Variants in ZNF672 observed in about 807,000 individuals in gnomAD.
The protein encoded by ZNF672 is zinc finger protein 672.
For synonymous variants in ZNF672, 358 were observed against 305.6 expected (o/e 1.17, Z -1.79); for missense variants, 733 against 701.1 (o/e 1.05, Z -0.51).
rs375718499 is a variant in ZNF672 at position 248,847,670 on chromosome 1, G to A, written c.396G>A (p.Leu132=). The change falls in exon 4 of 4, where the codon CTG becomes CTA. Residue 132 remains leucine, a synonymous_variant. Transcript: ENST00000306562. ...CAGAGCGGCCCCGCCGCTGCCCGCT[G>A]TGCGCCCGCACCTTCCGGCAGAGCG... ...HLPERPRRCP[L]CARTFRQSAL... The A allele has an allele frequency of 6.7e-7, 1 of 1,489,392 alleles. No homozygotes were observed. The highest frequency in any genetic ancestry group is 1.4e-5 in the African/African-American group (1 of 70,320). 92.3% of individuals were successfully genotyped at this position (1,489,392 alleles called of 1,614,324 possible).
Position 248,847,046 on chromosome 1 carries a change from C to G in ZNF672, c.-223-6C>G, listed in dbSNP as rs1572198444. The G allele has an allele frequency of 1.0e-5, 6 of 572,964 alleles. No homozygotes were observed. Among genetic ancestry groups the G allele is most frequent in the Non-Finnish European group, 1.8e-5 (6 of 325,396 alleles). 35.5% of individuals were successfully genotyped at this position (572,964 alleles called of 1,614,324 possible). On this transcript the variant is annotated splice_polypyrimidine_tract_variant and splice_region_variant and intron_variant, in intron 3 of 3. Coordinates refer to ENST00000306562, the MANE Select transcript of ZNF672 (RefSeq NM_024836.3). ...GCAGAGGCTCACAATGACCTTCTCC[C>G]CACAGGCTCACGGTGCAGGGTGAAC...
chr1:248,848,051 C>T lies in ZNF672; in HGVS notation c.777C>T (p.Asp259=). 1 of 1,549,302 alleles carries T rather than the reference C, an allele frequency of 6.5e-7. No individual in the cohort carries two copies. The highest frequency in any genetic ancestry group is 8.7e-7 in the Non-Finnish European group (1 of 1,146,978). ...HTGEKPYACG[D]CGRCFSESST... The stretch of plus-strand genomic sequence containing the variant: ...GCGAGAAGCCGTACGCATGTGGCGA[C>T]TGTGGACGCTGCTTCAGCGAGAGTT... Residue 259 remains aspartate (D), a synonymous_variant, in exon 4 of 4, where the codon GAC becomes GAT. Coordinates refer to ENST00000306562, the MANE Select transcript of ZNF672 (RefSeq NM_024836.3).
intron 1 of ZNF672, chr1:248,839,478 A>T (rs1664633797): frequency 6.6e-6 from 1 of 152,170 alleles, no homozygotes; most frequent in Admixed American, 6.5e-5. Flanking sequence ...CTACAAAAAA[A>T]ATAATGATAA....
In ZNF672 at chr1:248,848,437, C is replaced by T; in HGVS notation, c.1163C>T (p.Thr388Met). The change falls in exon 4 of 4, where the codon ACG (threonine) becomes ATG (methionine). Residue 388 changes from threonine (T) to methionine (M), a missense_variant. Physicochemically the swap from Thr to Met is moderately conservative, Grantham distance 81 (BLOSUM62 -1). Transcript: ENST00000306562. ...VASKLALHRK[T>M]HLGERPAECA... Reference sequence around the variant, plus strand: ...TCCAAGCTTGCACTGCACCGCAAGACGCACCTGGGCGAACGGCCAGCGGAG... The same window carrying T: ...TCCAAGCTTGCACTGCACCGCAAGATGCACCTGGGCGAACGGCCAGCGGAG... The T allele has an allele frequency of 1.2e-6, 2 of 1,607,330 alleles. No homozygotes were observed. The highest frequency in any genetic ancestry group is 1.3e-5 in the African/African-American group (1 of 75,030).
chr1:248,843,969 T>A (rs1424120743), intron 1 of ZNF672, among the ~76,000 whole-genome samples: 1 of 152,206 alleles, frequency 6.6e-6, no homozygotes, highest in Non-Finnish European at 1.5e-5. Context: ...GACTTCAAGA[T>A]GACCGCTTGT....
At position 248,849,193 on chromosome 1, in the gene ZNF672, T is replaced by C. The variant is rs748572661; in HGVS notation, c.*560T>C. ...TGGGAAAGCTCACTTCCATGAAGGA[T>C]GTCTCCATGCTAGGAGCTGCCTGCA... On this transcript the variant is annotated 3_prime_UTR_variant, in exon 4 of 4. Transcript: ENST00000306562. 1.9e-5 allele frequency: 8 copies of C among 429,664 alleles called. No individual in the cohort carries two copies. The highest frequency in any genetic ancestry group is 1.3e-4 in the South Asian group (7 of 55,676). 26.6% of individuals were successfully genotyped at this position (429,664 alleles called of 1,614,324 possible). A position where few individuals can be genotyped will look rare whatever the true frequency, so the allele number is the denominator to read the frequency against.
Position 248,848,698 on chromosome 1 carries a change from G to T in ZNF672, c.*65G>T, listed in dbSNP as rs1572201266. The T allele has an allele frequency of 1.1e-5, 17 of 1,501,976 alleles. No individual in the cohort carries two copies. In the South Asian group the frequency reaches 1.6e-4, roughly 15 times the overall value. The allele number at this position is 1,501,976 out of a possible 1,614,324, so 93.0% of individuals were successfully genotyped here. A position where few individuals can be genotyped will look rare whatever the true frequency, so the allele number is the denominator to read the frequency against. The stretch of plus-strand genomic sequence containing the variant: ...GCAAGCACCTATATAGTATCACGGG[G>T]ACAGTTGAGGCAACTCGTAGATGGA... On this transcript the variant is annotated 3_prime_UTR_variant, in exon 4 of 4. Coordinates refer to ENST00000306562, the MANE Select transcript of ZNF672 (RefSeq NM_024836.3).
intron 2 of ZNF672, among the ~76,000 whole-genome samples, chr1:248,845,180 C>G (rs567355095): frequency 6.6e-6 from 1 of 152,292 alleles, no homozygotes; most frequent in African/African-American, 2.4e-5. Context: ...GGAGAATCCT[C>G]GAATCCGAGA....
Position 248,847,945 on chromosome 1 carries a change from A to G in ZNF672, c.671A>G (p.Glu224Gly). ...LTRHLQTHSG[E>G]KPFKCPECGK... ...CGACACCTGCAGACGCACTCGGGGG[A>G]GAAACCCTTCAAGTGCCCGGAGTGC... Residue 224 changes from glutamate (E) to glycine (G), a missense_variant, in exon 4 of 4, where the codon GAG becomes GGG. Coordinates refer to ENST00000306562, the MANE Select transcript of ZNF672 (RefSeq NM_024836.3). 1 of 1,573,194 alleles carries G rather than the reference A, an allele frequency of 6.4e-7. No homozygotes were observed.
chr1:248,849,062 G>A lies in ZNF672; in HGVS notation c.*429G>A, dbSNP rs753876628. On this transcript the variant is annotated 3_prime_UTR_variant, in exon 4 of 4. Transcript: ENST00000306562. ...TTACTTTTGTTGTCCTGCCTCTTCA[G>A]GTAATGGTCACAGATTTGGCTGTAG... is the stretch of plus-strand genomic sequence containing the variant. 1.7e-5 allele frequency: 8 copies of A among 483,216 alleles called. No homozygotes were observed. Among genetic ancestry groups the A allele is most frequent in the Admixed American group, 9.3e-5 (4 of 42,850 alleles). 29.9% of individuals were successfully genotyped at this position (483,216 alleles called of 1,614,324 possible). A position where few individuals can be genotyped will look rare whatever the true frequency, so the allele number is the denominator to read the frequency against.
chr1:248,848,538 A>G lies in ZNF672; in HGVS notation c.1264A>G (p.Thr422Ala). Reference sequence around the variant, plus strand: ...TCAGCGGGCCCACACGCGCGCCCGCACCGCTGCCGCCGTTGCCATCCAGTC... The same window carrying G: ...TCAGCGGGCCCACACGCGCGCCCGCGCCGCTGCCGCCGTTGCCATCCAGTC... ...QHQRAHTRAR[T>A]AAAVAIQSAV... Residue 422 changes from threonine to alanine, a missense_variant, in exon 4 of 4, where the codon ACC becomes GCC. Coordinates refer to ENST00000306562, the MANE Select transcript of ZNF672 (RefSeq NM_024836.3). 6.3e-7 allele frequency: 1 copy of G among 1,597,918 alleles called. No homozygotes were observed. The highest frequency in any genetic ancestry group is 8.5e-7 in the Non-Finnish European group (1 of 1,171,504).
Position 248,848,323 on chromosome 1 carries a change from G to A in ZNF672, c.1049G>A (p.Cys350Tyr). Residue 350 changes from cysteine to tyrosine, a missense_variant, in exon 4 of 4, where the codon TGC (cysteine) becomes TAC (tyrosine). Coordinates refer to ENST00000306562, the MANE Select transcript of ZNF672 (RefSeq NM_024836.3). ...RCELCGKRFT[C>Y]VSNLNVHRRN... ...GAACTGTGCGGCAAGCGGTTCACGT[G>A]CGTGTCCAATCTCAACGTGCATCGG... 1 of 1,601,956 alleles carries A rather than the reference G, an allele frequency of 6.2e-7. No homozygotes were observed. The highest frequency in any genetic ancestry group is 8.5e-7 in the Non-Finnish European group (1 of 1,179,738).
intron 3 of ZNF672, among the ~76,000 whole-genome samples, chr1:248,846,578 C>T (rs978272988): frequency 3.9e-5 from 6 of 152,232 alleles, no homozygotes; most frequent in African/African-American, 9.6e-5. Flanking sequence ...TCACATTACC[C>T]GCTTTGTTCT....
Position 248,847,816 on chromosome 1 carries a change from A to G in ZNF672, c.542A>G (p.His181Arg). Reference protein sequence around the residue: ...AFRSGAGLRSHARIHVSRSPT... With the variant: ...AFRSGAGLRSRARIHVSRSPT... The stretch of plus-strand genomic sequence containing the variant: ...CGAAGCGGCGCCGGGCTGCGGAGTC[A>G]CGCGCGCATCCACGTGTCCCGGAGC... Residue 181 changes from histidine (H) to arginine (R), a missense_variant, in exon 4 of 4, where the codon CAC (histidine) becomes CGC (arginine). Physicochemically the swap from His to Arg is conservative, Grantham distance 29 (BLOSUM62 0). Transcript: ENST00000306562. The G allele has an allele frequency of 3.9e-6, 6 of 1,556,426 alleles. No individual in the cohort carries two copies. The South Asian group carries it at 5.8e-5, about 15-fold the overall frequency.
chr1:248,848,126 G>T lies in ZNF672; in HGVS notation c.852G>T (p.Ala284=), dbSNP rs749133284. ...GCCATCAGGGCGAGCGGCCACATGC[G>T]TGCGCCACTTGCGGCAAGGGTTTCG... ...RRSHQGERPH[A]CATCGKGFGQ... The change falls in exon 4 of 4, where the codon GCG becomes GCT. Residue 284 remains alanine, a synonymous_variant. Transcript: ENST00000306562. The T allele has an allele frequency of 6.4e-7, 1 of 1,563,508 alleles. No individual in the cohort carries two copies. The highest frequency in any genetic ancestry group is 8.6e-7 in the Non-Finnish European group (1 of 1,158,668).
At chr1:248,846,332 T>C (rs1185293088) in intron 3 of ZNF672, among the ~76,000 whole-genome samples, 1 of 152,234 alleles carries the variant, frequency 6.6e-6, no homozygotes, top group African/African-American at 2.4e-5. Flanking sequence ...ATAATGTTTT[T>C]TGTGAATTAT....
intron 1 of ZNF672, chr1:248,842,863 C>T: frequency 6.6e-6 from 1 of 152,462 alleles, no homozygotes; most frequent in Non-Finnish European, 1.5e-5. Context: ...CCAGTTCCTG[C>T]CCCTCTTCTC....
intron 3 of ZNF672, 71 bp downstream of exon 3, chr1:248,845,733 A>G (rs1237473661): frequency 6.6e-6 from 1 of 152,196 alleles, no homozygotes; most frequent in Non-Finnish European, 1.5e-5. Flanking sequence ...TATTTTAACC[A>G]AAGTTCTGAG....
rs1161303847 is a variant in ZNF672 at position 248,848,340 on chromosome 1, G to A, written c.1066G>A (p.Val356Met). The A allele has an allele frequency of 1.2e-6, 2 of 1,601,516 alleles. No homozygotes were observed. The highest frequency in any genetic ancestry group is 2.2e-5 in the East Asian group (1 of 44,854). ...GTTCACGTGCGTGTCCAATCTCAAC[G>A]TGCATCGGCGCAACCATGCCGGCCA... ...KRFTCVSNLN[V>M]HRRNHAGHKP... Residue 356 changes from valine (V) to methionine (M), a missense_variant, in exon 4 of 4, where the codon GTG (valine) becomes ATG (methionine). Physicochemically the swap from Val to Met is conservative, Grantham distance 21 (BLOSUM62 1). Coordinates refer to ENST00000306562, the MANE Select transcript of ZNF672 (RefSeq NM_024836.3).
Sources: allele counts gnomAD v4.1 joint callset (sites outside exome capture counted in the v4.1 genomes callset), GRCh38; gene constraint gnomAD v4.1.1; transcripts MANE v1.5; gene names NCBI Gene and HGNC (gene_info 2026-07-23, HGNC 2026-07-21).